Variants in GLMN observed in about 807,000 individuals in gnomAD.
The protein encoded by GLMN is glomulin.
In GLMN, 75 loss-of-function variants were observed where a neutral mutation model predicts 87.8. The observed-to-expected ratio is 0.85, with a 90% CI of 0.71 to 1.04. The LOEUF is 1.04. Among genes scored for constraint, GLMN ranks in the 50% least tolerant of loss-of-function variants. The pLI, the probability that GLMN is intolerant of heterozygous loss-of-function variation, is 0.00. For synonymous variants in GLMN, 206 were observed against 221.6 expected (o/e 0.93, Z 0.63); for missense variants, 588 against 658.8 (o/e 0.89, Z 1.18).
At chr1:92,359,970 A>G in the GLMN span, among the ~76,000 whole-genome samples, 1 of 140,368 alleles carries the variant, frequency 7.1e-6, no homozygotes, top group South Asian at 2.5e-4. Flanking sequence ...ACTCTACATT[A>G]TTTTATTTGA....
At chr1:92,364,509 T>C in the GLMN span, among the ~76,000 whole-genome samples, 1 of 152,112 alleles carries the variant, frequency 6.6e-6, no homozygotes. Context: ...TTTTTTTTAT[T>C]TTTTGCTGGG....
At chr1:92,323,698 C>CACAAAG in the GLMN span, 3 of 1,613,992 alleles carry the variant, frequency 1.9e-6, no homozygotes, top group South Asian at 3.3e-5. Flanking sequence ...TAACTCCAAA[C>CACAAAG]ACAAAGACAA....
At position 92,246,490 on chromosome 1, in the gene GLMN, G is replaced by A. The variant is rs370159264; in HGVS notation, c.*40C>T. On this transcript the variant is annotated 3_prime_UTR_variant, in exon 19 of 19. Coordinates refer to ENST00000370360, the MANE Select transcript of GLMN (RefSeq NM_053274.3). ...GGTATTAAATGAATCATAATGGAAA[G>A]TACTATATTTTATTAGTTTTTATTT... 3 of 883,992 alleles carry A rather than the reference G, an allele frequency of 3.4e-6. No homozygotes were observed. The highest frequency in any genetic ancestry group is 3.3e-5 in the African/African-American group (2 of 60,384). The allele number at this position is 883,992 out of a possible 1,614,324, so 54.8% of individuals were successfully genotyped here. A position where few individuals can be genotyped will look rare whatever the true frequency, so the allele number is the denominator to read the frequency against.
In GLMN at chr1:92,273,790, C is replaced by T. The variant is rs193133374; in HGVS notation, c.736-2138G>A. 2.0e-5 allele frequency among the ~76,000 whole-genome samples: 3 copies of T among 152,128 alleles called. No individual in the cohort carries two copies. In the East Asian group the frequency reaches 5.8e-4, roughly 29 times the overall value. On this transcript the variant is annotated intron_variant, in intron 7 of 18. Coordinates refer to ENST00000370360, the MANE Select transcript of GLMN (RefSeq NM_053274.3). ...CTTTTTAAAACATTATTATATGCAA[C>T]TAGATTCTACAGTGCTGCTCTGGAT...
chr1:92,258,378 T>C (rs1654534437), intron 16 of GLMN, among the ~76,000 whole-genome samples: 2 of 152,312 alleles, frequency 1.3e-5, no homozygotes, highest in South Asian at 4.2e-4. Context: ...AGAAATACCA[T>C]TTGACCCAGC....
chr1:92,291,296 G>T, intron 4 of GLMN, 122 bp downstream of exon 4: 1 of 860,746 alleles, frequency 1.2e-6, no homozygotes, highest in Non-Finnish European at 1.9e-6. Context: ...TTTCTCCAAC[G>T]AGTTCCTTTC....
Position 92,271,446 on chromosome 1 carries a change from A to T in GLMN, c.923+19T>A, listed in dbSNP as rs1656224391. ...AATTCCTTTTAGAATACATGAATAA[A>T]CCAAACACTAACTCTTACCTTAAGA... On this transcript the variant is annotated intron_variant, in intron 8 of 18. Coordinates refer to ENST00000370360, the MANE Select transcript of GLMN (RefSeq NM_053274.3). 27 of 1,589,290 alleles carry T rather than the reference A, an allele frequency of 1.7e-5. No homozygotes were observed. The highest frequency in any genetic ancestry group is 2.2e-5 in the Non-Finnish European group (25 of 1,158,402).
chr1:92,296,565 A>G (rs1650081842), intron 3 of GLMN, among the ~76,000 whole-genome samples: 1 of 152,202 alleles, frequency 6.6e-6, no homozygotes, highest in African/African-American at 2.4e-5. Flanking sequence ...CATCCTTGAC[A>G]CACAGGGATT....
chr1:92,334,942 C>T, the GLMN span, among the ~76,000 whole-genome samples: 13 of 152,166 alleles, frequency 8.5e-5, no homozygotes, highest in East Asian at 2.1e-3. Context: ...GAGCCAAGAT[C>T]GCACCACTGC....
chr1:92,364,811 A>G, the GLMN span, among the ~76,000 whole-genome samples: 1 of 152,086 alleles, frequency 6.6e-6, no homozygotes, highest in Non-Finnish European at 1.5e-5. Context: ...TCTTCATTCA[A>G]CTAGTCCATC....
chr1:92,247,867 A>C lies in GLMN; in HGVS notation c.1585+11T>G. On this transcript the variant is annotated intron_variant, in intron 17 of 18. Coordinates refer to ENST00000370360, the MANE Select transcript of GLMN (RefSeq NM_053274.3). The stretch of plus-strand genomic sequence containing the variant: ...TAGACCTAATTGAAAACAAAATTGC[A>C]CATTACCAACCTTGGCTATTTTTAA... The C allele has an allele frequency of 1.0e-6, 1 of 956,310 alleles. No individual in the cohort carries two copies. The highest frequency in any genetic ancestry group is 1.7e-6 in the Non-Finnish European group (1 of 581,272). 59.2% of individuals were successfully genotyped at this position (956,310 alleles called of 1,614,324 possible).
chr1:92,361,296 T>A, the GLMN span, among the ~76,000 whole-genome samples: 383 of 152,174 alleles, frequency 2.5e-3, 3 homozygotes, highest in South Asian at 9.1e-3. Flanking sequence ...CAAAACATAA[T>A]CTCCATGCAG....
intron 3 of GLMN, among the ~76,000 whole-genome samples, chr1:92,294,569 CT>C (rs2101057482): frequency 6.6e-6 from 1 of 152,070 alleles, no homozygotes; most frequent in South Asian, 2.1e-4. Context: ...AATAGTAAAT[CT>C]TTTTATTTTT....
chr1:92,249,826 C>G (rs1309764405), intron 16 of GLMN, among the ~76,000 whole-genome samples: 1 of 152,106 alleles, frequency 6.6e-6, no homozygotes, highest in Non-Finnish European at 1.5e-5. Flanking sequence ...TATTCTGTAT[C>G]CACGAGATCA....
the GLMN span, among the ~76,000 whole-genome samples, chr1:92,317,767 T>C: frequency 3.3e-5 from 5 of 152,306 alleles, no homozygotes; most frequent in African/African-American, 1.2e-4. Context: ...TCCCTTGCCT[T>C]CTTTAAAGAT....
At chr1:92,268,055 T>C (rs778139262) in intron 10 of GLMN, 50 bp downstream of exon 10, 3 of 1,374,538 alleles carry the variant, frequency 2.2e-6, no homozygotes, top group Non-Finnish European at 3.1e-6. Context: ...ACAGCTGTTA[T>C]TTGTTGACAT....
In GLMN at chr1:92,286,705, T is replaced by C. The variant is rs1337034458; in HGVS notation, c.633-113A>G. On this transcript the variant is annotated intron_variant, in intron 6 of 18. Transcript: ENST00000370360. ...AAAATAACATAAGCACTGCTATGGTTTGAATGACTCTGCTCTCCAAAACTC... is the reference window on the plus strand; with the variant it reads ...AAAATAACATAAGCACTGCTATGGTCTGAATGACTCTGCTCTCCAAAACTC... The C allele has an allele frequency of 4.3e-6, 3 of 701,326 alleles. No individual in the cohort carries two copies. The African/African-American group carries it at 5.3e-5, about 12-fold the overall frequency. 43.4% of individuals were successfully genotyped at this position (701,326 alleles called of 1,614,324 possible).
At chr1:92,306,755 C>T in the GLMN span, among the ~76,000 whole-genome samples, 9 of 152,184 alleles carry the variant, frequency 5.9e-5, no homozygotes, top group Admixed American at 5.9e-4. Flanking sequence ...CAGAGGATTA[C>T]TTGAGCCCAG....
chr1:92,259,797 T>TGC (rs1654783424), intron 16 of GLMN, among the ~76,000 whole-genome samples: 1 of 142,014 alleles, frequency 7.0e-6, no homozygotes, highest in Admixed American at 7.6e-5. Flanking sequence ...TGCAGTGGCA[T>TGC]GATCTCGGCT....
Sources: allele counts gnomAD v4.1 joint callset (sites outside exome capture counted in the v4.1 genomes callset), GRCh38; gene constraint gnomAD v4.1.1; transcripts MANE v1.5; gene names NCBI Gene and HGNC (gene_info 2026-07-23, HGNC 2026-07-21).